The following VRK2 variants were observed in gnomAD, a reference collection of about 807,000 sequenced individuals.
The protein encoded by VRK2 is VRK serine/threonine kinase 2.
Under a neutral mutation model 57.6 loss-of-function variants are expected in VRK2, and 60 were observed. The ratio of observed to expected loss-of-function variants is 1.04; its 90% CI spans 0.85 to 1.29. VRK2 has a LOEUF of 1.29. Ranked by LOEUF, VRK2 falls within the 50% of genes most tolerant of loss-of-function variation. The probability of loss-of-function intolerance (pLI) is 0.00; values close to 1 mark genes in which losing one functional copy is unlikely to be tolerated. For synonymous variants in VRK2, 231 were observed against 199.2 expected, an observed-to-expected ratio of 1.16 and a Z score of -1.35; for missense variants, 705 against 588.1, an observed-to-expected ratio of 1.20 and a Z score of -2.06.
chr2:57,981,518 GA>G (rs1672422488), intron 1 of VRK2, among the ~76,000 whole-genome samples: 1 of 152,078 alleles, frequency 6.6e-6, no homozygotes, highest in Admixed American at 6.6e-5. Context: ...GTGTCTTAGG[GA>G]TGAGTCATCT....
intron 1 of VRK2, among the ~76,000 whole-genome samples, chr2:57,918,295 C>A (rs889014324): frequency 2.6e-5 from 4 of 151,934 alleles, no homozygotes; most frequent in African/African-American, 9.7e-5. Flanking sequence ...TGGAAGAGAC[C>A]AGAAGGAGGA....
chr2:57,912,899 C>G (rs1670034192), intron 1 of VRK2, among the ~76,000 whole-genome samples: 1 of 152,076 alleles, frequency 6.6e-6, no homozygotes, highest in Admixed American at 6.6e-5. Context: ...TGGTGAAGCC[C>G]TCTTGAATGG....
At chr2:58,075,212 A>G (rs534250570) in intron 2 of VRK2, among the ~76,000 whole-genome samples, 3 of 152,178 alleles carry the variant, frequency 2.0e-5, no homozygotes, top group East Asian at 1.9e-4. Context: ...TGTTGCGGCA[A>G]AGGACACGAT....
intron 1 of VRK2, among the ~76,000 whole-genome samples, chr2:57,923,523 G>GTTT: frequency 6.7e-6 from 1 of 148,654 alleles, no homozygotes; most frequent in Non-Finnish European, 1.5e-5. Context: ...CCATTTGTAT[G>GTTT]TTTTTTTTTT....
intron 1 of VRK2, among the ~76,000 whole-genome samples, chr2:57,924,106 T>A (rs935666081): frequency 1.3e-5 from 2 of 152,066 alleles, no homozygotes; most frequent in African/African-American, 4.8e-5. Context: ...GTCAGTACCA[T>A]GCCATTTCGG....
intron 1 of VRK2, among the ~76,000 whole-genome samples, chr2:57,959,778 GCTGGCAGCGCTGAATTCC>G (rs1308650204): frequency 3.1e-4 from 47 of 152,262 alleles, no homozygotes; most frequent in African/African-American, 1.1e-3. Context: ...AGATACTGTA[GCTGGCAGCGCTGAATTCC>G]CATTTCCCCC....
intron 1 of VRK2, among the ~76,000 whole-genome samples, chr2:57,938,407 C>T (rs1484000241): frequency 6.6e-6 from 1 of 152,026 alleles, no homozygotes; most frequent in African/African-American, 2.4e-5. Flanking sequence ...AAATTGGGTA[C>T]TGGAAGCAGT....
chr2:57,939,676 T>C (rs1256133067), intron 1 of VRK2, among the ~76,000 whole-genome samples: 1 of 152,206 alleles, frequency 6.6e-6, no homozygotes, highest in East Asian at 1.9e-4. Context: ...TGAAAGTAAA[T>C]GCACATTTCA....
At chr2:58,076,106 C>CTTTTTTTT (rs71394406) in intron 2 of VRK2, among the ~76,000 whole-genome samples, 2 of 121,812 alleles carry the variant, frequency 1.6e-5, no homozygotes, top group Non-Finnish European at 1.7e-5. Flanking sequence ...CTACTGTCTT[C>CTTTTTTTT]TTTTTTTTTT....
chr2:57,977,097 G>A (rs952158078), intron 1 of VRK2, among the ~76,000 whole-genome samples: 5 of 152,100 alleles, frequency 3.3e-5, no homozygotes, highest in Non-Finnish European at 5.9e-5. Context: ...ACCAATATCT[G>A]CTGTTTTGGT....
chr2:57,934,608 T>C (rs780834738), intron 1 of VRK2, among the ~76,000 whole-genome samples: 5 of 152,230 alleles, frequency 3.3e-5, no homozygotes, highest in Non-Finnish European at 5.9e-5. Flanking sequence ...GGTGTTCATA[T>C]GTTCCCCCCG....
chr2:58,104,808 T>G (rs1232774839), intron 7 of VRK2, among the ~76,000 whole-genome samples: 2 of 151,940 alleles, frequency 1.3e-5, no homozygotes, highest in Non-Finnish European at 2.9e-5. Context: ...GACCACAAAT[T>G]ATACTGCAAG....
intron 2 of VRK2, among the ~76,000 whole-genome samples, chr2:58,064,954 C>A (rs1381400127): frequency 6.6e-6 from 1 of 151,878 alleles, no homozygotes; most frequent in Non-Finnish European, 1.5e-5. Flanking sequence ...TTATCACTTA[C>A]CTTCTTTCTC....
At chr2:57,984,330 T>C (rs376106347) in intron 1 of VRK2, among the ~76,000 whole-genome samples, 1 of 151,950 alleles carries the variant, frequency 6.6e-6, no homozygotes, top group Admixed American at 6.6e-5. Flanking sequence ...AATGTATCAC[T>C]GAAAATGAGA....
At chr2:58,145,859 G>C (rs558829405) in intron 11 of VRK2, among the ~76,000 whole-genome samples, 1 of 152,126 alleles carries the variant, frequency 6.6e-6, no homozygotes, top group South Asian at 2.1e-4. Context: ...ACGTATGAGT[G>C]AGAACATGCG....
chr2:57,937,339 ACTTTT>A (rs1670947526), intron 1 of VRK2, among the ~76,000 whole-genome samples: 1 of 152,168 alleles, frequency 6.6e-6, no homozygotes, highest in African/African-American at 2.4e-5. Flanking sequence ...CAATAATCCC[ACTTTT>A]CTTTCTTTCT....
intron 1 of VRK2, among the ~76,000 whole-genome samples, chr2:57,974,999 A>AAGG (rs142064865): frequency 0.082 from 12,525 of 151,968 alleles, 565 homozygotes; most frequent in Middle Eastern, 0.095. Flanking sequence ...TAAACAATAT[A>AAGG]AGTTTTAAGA....
At chr2:58,055,140 G>A (rs532618173) in intron 2 of VRK2, among the ~76,000 whole-genome samples, 13 of 152,186 alleles carry the variant, frequency 8.5e-5, no homozygotes, top group Non-Finnish European at 1.9e-4. Flanking sequence ...GGCAGAAGAA[G>A]TGACTTTTGC....
chr2:58,146,656 G>C (rs1163923180), intron 12 of VRK2, among the ~76,000 whole-genome samples, 182 bp downstream of exon 12: 1 of 151,960 alleles, frequency 6.6e-6, no homozygotes, highest in Non-Finnish European at 1.5e-5. Context: ...AGTTATCATA[G>C]AAACAGAATA....
Sources: gnomAD v4.1 joint callset for allele counts (sites outside exome capture counted in the v4.1 genomes callset) on GRCh38, gnomAD v4.1.1 for gene constraint, MANE v1.5 for transcripts, NCBI Gene and HGNC (gene_info 2026-07-23, HGNC 2026-07-21) for gene names.